MACROD2: variants seen among roughly 807,000 people sequenced by gnomAD.
MACROD2 encodes the protein ADP-ribose glycohydrolase MACROD2.
In MACROD2, 36 loss-of-function variants were observed where a neutral mutation model predicts 70.4. The observed-to-expected ratio is 0.51, with a 90% CI of 0.39 to 0.68. The LOEUF is 0.68. Among genes scored for constraint, MACROD2 ranks in the 30% least tolerant of loss-of-function variants. The pLI is 0.00. For missense variants in MACROD2, 496 were observed against 538.4 expected (o/e 0.92, Z 0.78); for synonymous variants, 172 against 178.8 (o/e 0.96, Z 0.30).
At chr20:14,287,252 T>A (rs1219712719) in intron 3 of MACROD2, among the ~76,000 whole-genome samples, 2 of 152,140 alleles carry the variant, frequency 1.3e-5, no homozygotes, top group Admixed American at 6.5e-5. Flanking sequence ...TCAATTAGAT[T>A]TTAAAGTTGG....
chr20:14,027,754 C>T (rs964276680), intron 2 of MACROD2, among the ~76,000 whole-genome samples: 1 of 152,192 alleles, frequency 6.6e-6, no homozygotes, highest in South Asian at 2.1e-4. Flanking sequence ...TGCAGAACAG[C>T]AAAGATTGCT....
At chr20:14,792,788 G>A (rs1269644618) in intron 5 of MACROD2, among the ~76,000 whole-genome samples, 1 of 151,988 alleles carries the variant, frequency 6.6e-6, no homozygotes, top group Non-Finnish European at 1.5e-5. Context: ...TCCCCACTCA[G>A]TGTTGTCCTA....
At chr20:14,287,332 C>T (rs2082353114) in intron 3 of MACROD2, among the ~76,000 whole-genome samples, 1 of 152,018 alleles carries the variant, frequency 6.6e-6, no homozygotes. Flanking sequence ...TTCCTTGCTA[C>T]CAAGTTGTCA....
chr20:15,248,643 G>A (rs1046773529), intron 6 of MACROD2, among the ~76,000 whole-genome samples: 6 of 152,070 alleles, frequency 3.9e-5, no homozygotes, highest in Non-Finnish European at 7.4e-5. Flanking sequence ...AAATTCCATT[G>A]CATGCCCCAG....
chr20:15,032,318 C>T (rs1448376462), intron 5 of MACROD2, among the ~76,000 whole-genome samples: 1 of 152,236 alleles, frequency 6.6e-6, no homozygotes, highest in East Asian at 1.9e-4. Context: ...CTCTGGCCTG[C>T]TCCTGGCCCC....
At chr20:14,537,905 G>A (rs1393403961) in intron 4 of MACROD2, among the ~76,000 whole-genome samples, 10 of 152,216 alleles carry the variant, frequency 6.6e-5, no homozygotes, top group Admixed American at 1.3e-4. Flanking sequence ...TCAGAAATCC[G>A]ATGCAGCTCC....
At chr20:15,693,233 T>C (rs2050321004) in intron 8 of MACROD2, among the ~76,000 whole-genome samples, 1 of 152,214 alleles carries the variant, frequency 6.6e-6, no homozygotes, top group Non-Finnish European at 1.5e-5. Flanking sequence ...TTTTCAGAAA[T>C]ACATAATGAC....
At chr20:14,384,171 A>T (rs1470460830) in intron 3 of MACROD2, among the ~76,000 whole-genome samples, 1 of 152,138 alleles carries the variant, frequency 6.6e-6, no homozygotes, top group East Asian at 1.9e-4. Context: ...TGATGACTAC[A>T]GTCTAGTTGA....
intron 3 of MACROD2, among the ~76,000 whole-genome samples, chr20:14,277,529 A>G (rs1408427698): frequency 6.6e-6 from 1 of 152,246 alleles, no homozygotes; most frequent in Non-Finnish European, 1.5e-5. Flanking sequence ...TGGGGAGAGT[A>G]ACTAGTATTT....
intron 5 of MACROD2, among the ~76,000 whole-genome samples, chr20:14,687,842 A>G (rs983450658): frequency 2.6e-5 from 4 of 152,262 alleles, no homozygotes; most frequent in Non-Finnish European, 5.9e-5. Flanking sequence ...GATTTATATT[A>G]AAAGCATAAA....
At chr20:15,626,193 A>G (rs997177821) in intron 8 of MACROD2, among the ~76,000 whole-genome samples, 1 of 152,212 alleles carries the variant, frequency 6.6e-6, no homozygotes, top group Admixed American at 6.5e-5. Flanking sequence ...GAAAAAATCC[A>G]GAAGAAATAG....
intron 15 of MACROD2, among the ~76,000 whole-genome samples, chr20:16,016,098 G>A (rs1601327325): frequency 6.6e-6 from 1 of 151,882 alleles, no homozygotes; most frequent in African/African-American, 2.4e-5. Context: ...TAGGTCTTTT[G>A]GGTCCTTATT....
At chr20:15,974,582 G>A (rs1207707685) in intron 13 of MACROD2, among the ~76,000 whole-genome samples, 2 of 152,020 alleles carry the variant, frequency 1.3e-5, no homozygotes, top group Non-Finnish European at 2.9e-5. Context: ...TCTGTATAAT[G>A]CAGTAATGGT....
intron 5 of MACROD2, among the ~76,000 whole-genome samples, chr20:14,941,345 TG>T (rs1411603612): frequency 6.6e-6 from 1 of 152,088 alleles, no homozygotes; most frequent in Non-Finnish European, 1.5e-5. Context: ...GGCTGCCCTC[TG>T]GGGTATTTCT....
At chr20:15,396,517 G>T (rs1055491757) in intron 6 of MACROD2, among the ~76,000 whole-genome samples, 1 of 152,162 alleles carries the variant, frequency 6.6e-6, no homozygotes, top group African/African-American at 2.4e-5. Context: ...CTTAGAAGAG[G>T]AAGGACAATT....
chr20:14,830,809 A>G (rs1201165015), intron 5 of MACROD2, among the ~76,000 whole-genome samples: 1 of 152,152 alleles, frequency 6.6e-6, no homozygotes, highest in Non-Finnish European at 1.5e-5. Context: ...ATTTACCATA[A>G]TTGAACCAGC....
chr20:15,134,835 AAAGAG>A (rs1295410769), intron 5 of MACROD2, among the ~76,000 whole-genome samples: 1 of 152,156 alleles, frequency 6.6e-6, no homozygotes, highest in Admixed American at 6.5e-5. Flanking sequence ...ACTAATAAAA[AAAGAG>A]AGAAGAATCA....
chr20:15,014,540 G>C (rs1270311100), intron 5 of MACROD2, among the ~76,000 whole-genome samples: 1 of 152,090 alleles, frequency 6.6e-6, no homozygotes, highest in Non-Finnish European at 1.5e-5. Flanking sequence ...TGATCACCAG[G>C]GATCAGAGTT....
At chr20:15,234,009 ATTCT>A (rs2076987464) in intron 6 of MACROD2, among the ~76,000 whole-genome samples, 27 of 39,976 alleles carry the variant, frequency 6.8e-4, no homozygotes, top group East Asian at 2.0e-3. Context: ...ATATATATAT[ATTCT>A]TTTTTTTTTT....
Sources: gnomAD v4.1 joint callset for allele counts (sites outside exome capture counted in the v4.1 genomes callset) on GRCh38, gnomAD v4.1.1 for gene constraint, MANE v1.5 for transcripts, NCBI Gene and HGNC (gene_info 2026-07-23, HGNC 2026-07-21) for gene names.